EPHA5: variants seen among roughly 807,000 people sequenced by gnomAD.
EPHA5 encodes the protein EPH receptor A5, also known as ephrin type-A receptor 5.
In EPHA5, 60 loss-of-function variants were observed where a neutral mutation model predicts 105.0. The ratio of observed to expected loss-of-function variants is 0.57; its 90% CI spans 0.46 to 0.71. EPHA5 has a LOEUF of 0.71. Ranked by LOEUF, EPHA5 falls within the 30% of genes least tolerant of loss-of-function variation. The probability of loss-of-function intolerance (pLI) is 0.00; values close to 1 mark genes in which losing one functional copy is unlikely to be tolerated. For missense variants in EPHA5, 1,218 were observed against 1,274.7 expected, an observed-to-expected ratio of 0.96 and a Z score of 0.68; for synonymous variants, 513 against 449.1, an observed-to-expected ratio of 1.14 and a Z score of -1.80.
chr4:65,596,545 A>C (rs77722026), intron 3 of EPHA5, among the ~76,000 whole-genome samples: 5,187 of 152,270 alleles, frequency 0.034, 278 homozygotes, highest in African/African-American at 0.12. Context: ...TTTTATTAGA[A>C]CTAATCTAAA....
intron 3 of EPHA5, among the ~76,000 whole-genome samples, chr4:65,515,492 A>G (rs1346401525): frequency 6.6e-6 from 1 of 152,102 alleles, no homozygotes; most frequent in Non-Finnish European, 1.5e-5. Flanking sequence ...TGACTCCTCT[A>G]TTTTATTTCT....
chr4:65,623,262 T>C (rs1463370285), intron 2 of EPHA5, among the ~76,000 whole-genome samples: 15 of 152,004 alleles, frequency 9.9e-5, no homozygotes, highest in Admixed American at 9.2e-4. Context: ...AAAATTATAA[T>C]TGGGGATGTC....
chr4:65,384,383 C>A (rs1048448921), intron 8 of EPHA5, among the ~76,000 whole-genome samples: 1 of 151,958 alleles, frequency 6.6e-6, no homozygotes, highest in African/African-American at 2.4e-5. Flanking sequence ...AGAAGTCAAA[C>A]CATAACCTTT....
chr4:65,404,928 A>C (rs1722212728), intron 7 of EPHA5, among the ~76,000 whole-genome samples: 1 of 152,174 alleles, frequency 6.6e-6, no homozygotes, highest in Non-Finnish European at 1.5e-5. Context: ...TTCCCCATAG[A>C]CATTGGAGAC....
At chr4:65,623,272 C>T (rs1436445929) in intron 2 of EPHA5, among the ~76,000 whole-genome samples, 2 of 151,966 alleles carry the variant, frequency 1.3e-5, no homozygotes, top group Non-Finnish European at 2.9e-5. Context: ...TTGGGGATGT[C>T]TGATGCCTGT....
At chr4:65,652,663 T>C (rs1335677363) in intron 1 of EPHA5, among the ~76,000 whole-genome samples, 1 of 152,070 alleles carries the variant, frequency 6.6e-6, no homozygotes, top group East Asian at 1.9e-4. Context: ...ATCCTACATA[T>C]CAATGAATTT....
At position 65,506,622 on chromosome 4, in the gene EPHA5, G is replaced by C. The variant is rs1352805773; in HGVS notation, c.911-11079C>G. 4.8e-5 allele frequency among the ~76,000 whole-genome samples: 7 copies of C among 145,450 alleles called. 1 individual carries two copies. In the Admixed American group the frequency reaches 4.8e-4, roughly 10 times the overall value. On this transcript the variant is annotated intron_variant, in intron 3 of 16. Coordinates refer to ENST00000613740, the MANE Select transcript of EPHA5 (RefSeq NM_001281766.3). ...CCAGTGATGATAAGCATTTTGTCATGTGTCTTTTGGCTGCATAAATGTCTT... is the reference window on the plus strand; with the variant it reads ...CCAGTGATGATAAGCATTTTGTCATCTGTCTTTTGGCTGCATAAATGTCTT...
chr4:65,637,590 A>ATATATATATATG (rs1397973126), intron 2 of EPHA5, among the ~76,000 whole-genome samples: 2 of 141,826 alleles, frequency 1.4e-5, no homozygotes, highest in Admixed American at 1.4e-4. Context: ...ATATATATAT[A>ATATATATATATG]TATATATACG....
chr4:65,330,108 A>G (rs1308701204), intron 16 of EPHA5, among the ~76,000 whole-genome samples: 1 of 151,430 alleles, frequency 6.6e-6, no homozygotes, highest in Non-Finnish European at 1.5e-5. Context: ...AGCAGTTACT[A>G]TAGACAGACC....
chr4:65,646,699 T>C (rs1435952258), intron 1 of EPHA5, among the ~76,000 whole-genome samples: 1 of 152,118 alleles, frequency 6.6e-6, no homozygotes, highest in Non-Finnish European at 1.5e-5. Flanking sequence ...CATCTATCAA[T>C]GTACCAGATA....
intron 12 of EPHA5, among the ~76,000 whole-genome samples, chr4:65,352,390 A>G (rs1448371305): frequency 2.0e-5 from 3 of 152,058 alleles, no homozygotes; most frequent in Non-Finnish European, 4.4e-5. Flanking sequence ...CTGCCAGCCT[A>G]TATGTTTAAT....
chr4:65,505,640 A>G lies in EPHA5; in HGVS notation c.911-10097T>C, dbSNP rs10005958. On this transcript the variant is annotated intron_variant, in intron 3 of 16. Transcript: ENST00000613740. ...AAATGCACTCTCACGTTAAGTTTTT[A>G]GAGCACCTAAATTTAGCTCCGTGCC... Among the ~76,000 whole-genome samples, 1,274 of 152,202 alleles carry G rather than the reference A, an allele frequency of 8.4e-3. 16 individuals carry two copies. Among genetic ancestry groups the G allele is most frequent in the African/African-American group, 0.028 (1,152 of 41,556 alleles).
intron 3 of EPHA5, among the ~76,000 whole-genome samples, chr4:65,566,756 T>C (rs1296924938): frequency 1.3e-5 from 2 of 151,812 alleles, no homozygotes; most frequent in African/African-American, 4.8e-5. Context: ...TAAAATGCAA[T>C]TGACAGCATG....
At chr4:65,608,853 T>G (rs1744489893) in intron 2 of EPHA5, among the ~76,000 whole-genome samples, 4 of 152,328 alleles carry the variant, frequency 2.6e-5, no homozygotes, top group Admixed American at 2.0e-4. Flanking sequence ...TGTCTACAAT[T>G]AGAAATCTGT....
At chr4:65,331,304 C>G (rs1441751162) in intron 16 of EPHA5, 12 of 1,033,580 alleles carry the variant, frequency 1.2e-5, no homozygotes, top group Non-Finnish European at 1.4e-5. Context: ...ATACAAACAA[C>G]TTACAACCTT....
intron 3 of EPHA5, among the ~76,000 whole-genome samples, chr4:65,542,391 A>G (rs1463734222): frequency 6.6e-6 from 1 of 152,016 alleles, no homozygotes; most frequent in Non-Finnish European, 1.5e-5. Context: ...ATAAAGGGCT[A>G]TCACCACTGA....
At chr4:65,615,389 A>T (rs1296660402) in intron 2 of EPHA5, among the ~76,000 whole-genome samples, 2 of 151,928 alleles carry the variant, frequency 1.3e-5, no homozygotes, top group African/African-American at 2.4e-5. Context: ...GAAAATTTTG[A>T]AAGCAGCAAG....
chr4:65,662,579 C>A (rs531370394), intron 1 of EPHA5, among the ~76,000 whole-genome samples: 3 of 152,116 alleles, frequency 2.0e-5, no homozygotes, highest in South Asian at 2.1e-4. Context: ...AAGGAAAAAA[C>A]AACAACAACA....
intron 2 of EPHA5, among the ~76,000 whole-genome samples, chr4:65,639,333 C>T (rs1747434665): frequency 1.3e-5 from 2 of 152,186 alleles, no homozygotes. Flanking sequence ...TTAGTTTCTT[C>T]ATTTTTGAAA....
Sources: gnomAD v4.1 joint callset for allele counts (sites outside exome capture counted in the v4.1 genomes callset) on GRCh38, gnomAD v4.1.1 for gene constraint, MANE v1.5 for transcripts, NCBI Gene and HGNC (gene_info 2026-07-23, HGNC 2026-07-21) for gene names.